The following CEP76 variants were observed in gnomAD, a reference collection of about 807,000 sequenced individuals.
The protein encoded by CEP76 is centrosomal protein 76, also known as centrosomal protein of 76 kDa.
In CEP76, 55 loss-of-function variants were observed where a neutral mutation model predicts 83.3. That is an observed-to-expected ratio of 0.66 (90% confidence interval 0.53 to 0.83). The LOEUF (loss-of-function observed/expected upper bound fraction) is 0.83, where lower values mean the gene tolerates loss of function less well. Ranked by LOEUF, CEP76 falls within the 40% of genes least tolerant of loss-of-function variation. CEP76 has a pLI of 0.00. For synonymous variants in CEP76, 270 were observed against 274.5 expected, an observed-to-expected ratio of 0.98 and a Z score of 0.16; for missense variants, 694 against 799.5, an observed-to-expected ratio of 0.87 and a Z score of 1.59.
rs9947940 is a variant in CEP76, at chr18:12,673,137, C to G, written c.*228G>C. The stretch of plus-strand genomic sequence containing the variant: ...AGCATTTATTAAAATAGAATATACA[C>G]TTAATTTATACTAAATTCCAGGGAG... On this transcript the variant is annotated 3_prime_UTR_variant, in exon 12 of 12. Transcript: ENST00000262127. The G allele has an allele frequency of 4.2e-3, 4,795 of 1,133,474 alleles. 171 individuals carry two copies. The African/African-American group carries it at 0.071, about 17-fold the overall frequency. The allele number at this position is 1,133,474 out of a possible 1,614,324, so 70.2% of individuals were successfully genotyped here.
downstream of CEP76, chr18:12,672,611 C>G (rs977848112): frequency 1.0e-6 from 1 of 970,614 alleles, no homozygotes; most frequent in African/African-American, 1.8e-5. Flanking sequence ...AATGAATCCT[C>G]TGACCACAGA....
chr18:12,671,637 ACTTTCT>A (rs760033877), downstream of CEP76, among the ~76,000 whole-genome samples: 1 of 121,908 alleles, frequency 8.2e-6, no homozygotes, highest in Non-Finnish European at 1.7e-5. Flanking sequence ...CAGGTTTCAC[ACTTTCT>A]TTTTTTTTTT....
At chr18:12,671,118 C>T (rs948086132), downstream of CEP76, 3 of 143,156 alleles carry the variant, frequency 2.1e-5, no homozygotes, top group Non-Finnish European at 4.7e-5. Context: ...TAGATTTATT[C>T]TTTTAGAGAA....
At position 12,680,844 on chromosome 18, in the gene CEP76, A is replaced by G. The variant is rs2039321828; in HGVS notation, c.1123-16T>C. On this transcript the variant is annotated splice_polypyrimidine_tract_variant and intron_variant, in intron 8 of 11. Coordinates refer to ENST00000262127, the MANE Select transcript of CEP76 (RefSeq NM_024899.4). Reference sequence around the variant, plus strand: ...CACAGTCACCCTGGAAGATAAATTAAAATGAAGTATTCATTCTTCCATATT... The same window carrying G: ...CACAGTCACCCTGGAAGATAAATTAGAATGAAGTATTCATTCTTCCATATT... 3 of 1,592,332 alleles carry G rather than the reference A, an allele frequency of 1.9e-6. No homozygotes were observed. Among genetic ancestry groups the G allele is most frequent in the African/African-American group, 2.7e-5 (2 of 74,004 alleles).
chr18:12,702,595 C>G lies in CEP76; in HGVS notation c.-47G>C, dbSNP rs759562685. On this transcript the variant is annotated 5_prime_UTR_variant, in exon 1 of 12. Coordinates refer to ENST00000262127, the MANE Select transcript of CEP76 (RefSeq NM_024899.4). ...GCCGCTTCTCCCCGCCTCAGATGCC[C>G]TAACTGCGCGGCCCCGGCCGGGCCA... is the stretch of plus-strand genomic sequence containing the variant. The G allele has an allele frequency of 6.3e-7, 1 of 1,578,098 alleles. No homozygotes were observed. Among genetic ancestry groups the G allele is most frequent in the South Asian group, 1.1e-5 (1 of 87,534 alleles).
chr18:12,700,274 CTGT>C (rs552353635), intron 2 of CEP76: 12 of 158,430 alleles, frequency 7.6e-5, no homozygotes, highest in Non-Finnish European at 9.7e-5. Context: ...AGAGTAGAAG[CTGT>C]TATTAGGTCA....
intron 6 of CEP76, among the ~76,000 whole-genome samples, chr18:12,691,784 C>T (rs1883602850): frequency 1.3e-5 from 2 of 150,874 alleles, no homozygotes; most frequent in Admixed American, 6.6e-5. Context: ...GGCAAGATCT[C>T]AGCTCACTGC....
chr18:12,693,145 A>G (rs1263635443), intron 6 of CEP76, among the ~76,000 whole-genome samples: 1 of 152,232 alleles, frequency 6.6e-6, no homozygotes, highest in African/African-American at 2.4e-5. Flanking sequence ...AATTTTAAAG[A>G]GAAAATTAGA....
At chr18:12,694,031 C>G (rs1458066075) in intron 6 of CEP76, among the ~76,000 whole-genome samples, 1 of 152,098 alleles carries the variant, frequency 6.6e-6, no homozygotes, top group Non-Finnish European at 1.5e-5. Context: ...CAGGGTCTCA[C>G]TATGTTGCCC....
Position 12,702,706 on chromosome 18 carries a change from G to C in CEP76, c.-158C>G, listed in dbSNP as rs35699948. The C allele has an allele frequency of 0.28, 212,943 of 768,640 alleles. 31,949 individuals carry two copies. The highest frequency in any genetic ancestry group is 0.31 in the Non-Finnish European group (157,405 of 503,400). The allele number at this position is 768,640 out of a possible 1,614,324, so 47.6% of individuals were successfully genotyped here. On this transcript the variant is annotated 5_prime_UTR_variant, in exon 1 of 12. Coordinates refer to ENST00000262127, the MANE Select transcript of CEP76 (RefSeq NM_024899.4). The stretch of plus-strand genomic sequence containing the variant: ...GGGGGACGCAACGCCGCGTCAGGCC[G>C]GGGGCTGACCTGGAAATGAGGCCCC...
intron 7 of CEP76, among the ~76,000 whole-genome samples, chr18:12,690,940 C>CA (rs985606584): frequency 1.2e-5 from 1 of 84,988 alleles, no homozygotes; most frequent in Non-Finnish European, 3.2e-5. Flanking sequence ...ATGCCCAGAG[C>CA]CCCCCCCCGT....
At chr18:12,688,228 C>CAAAA (rs11337170) in intron 7 of CEP76, among the ~76,000 whole-genome samples, 4 of 94,018 alleles carry the variant, frequency 4.3e-5, no homozygotes, top group African/African-American at 4.1e-5. Context: ...GACTCCATCT[C>CAAAA]AAAAAAAAAA....
chr18:12,697,101 T>C (rs2039983653), intron 5 of CEP76, 122 bp downstream of exon 5: 1 of 692,614 alleles, frequency 1.4e-6, no homozygotes, highest in East Asian at 2.8e-5. Context: ...ATTGTAACTC[T>C]AACGAAATTC....
Position 12,678,228 on chromosome 18 carries a change from G to T in CEP76, c.1504C>A (p.Pro502Thr). 6.2e-7 allele frequency: 1 copy of T among 1,614,128 alleles called. No individual in the cohort carries two copies. Among genetic ancestry groups the T allele is most frequent in the Non-Finnish European group, 8.5e-7 (1 of 1,180,028 alleles). Reference protein sequence around the residue: ...SEEAIKSVCAPGATTSLPPFP... With the variant: ...SEEAIKSVCATGATTSLPPFP... ...GGAGGAAGGGATGTTGTAGCTCCAGGAGCACACACAGATTTAATTGCTTCC... is the reference window on the plus strand; with the variant it reads ...GGAGGAAGGGATGTTGTAGCTCCAGTAGCACACACAGATTTAATTGCTTCC... Residue 502 changes from proline (P) to threonine (T), a missense_variant, in exon 10 of 12, where the codon CCT becomes ACT. Transcript: ENST00000262127.
chr18:12,700,983 A>T lies in CEP76; in HGVS notation c.194T>A (p.Val65Glu). The change falls in exon 2 of 12, where the codon GTG becomes GAG. Residue 65 changes from valine (V) to glutamate (E), a missense_variant. Coordinates refer to ENST00000262127, the MANE Select transcript of CEP76 (RefSeq NM_024899.4). ...ALRRRGIIDD[V>E]MKELNFVTDS... ...AGTAACAAAATTAAGTTCTTTCATC[A>T]CATCGTCAATGATTCCTCGACGTCT... The T allele has an allele frequency of 6.2e-7, 1 of 1,613,244 alleles. No homozygotes were observed. Among genetic ancestry groups the T allele is most frequent in the Non-Finnish European group, 8.5e-7 (1 of 1,179,706 alleles).
chr18:12,688,258 T>TG (rs2039619862), intron 7 of CEP76, among the ~76,000 whole-genome samples: 1 of 149,260 alleles, frequency 6.7e-6, no homozygotes, highest in South Asian at 2.1e-4. Context: ...CAAAACCTAG[T>TG]GGCCTTAAAG....
intron 10 of CEP76, among the ~76,000 whole-genome samples, chr18:12,677,100 A>G (rs2039162945): frequency 6.6e-6 from 1 of 152,154 alleles, no homozygotes. Context: ...TTTATGACTA[A>G]TACTTTTTAT....
chr18:12,702,636 G>T lies in CEP76; in HGVS notation c.-88C>A, dbSNP rs187355773. ...GGCCGGGCCAGGGAGCGTTAGGAGC[G>T]ACTGGAGCACAAAGCGCCGCAGCCG... On this transcript the variant is annotated 5_prime_UTR_variant, in exon 1 of 12. Coordinates refer to ENST00000262127, the MANE Select transcript of CEP76 (RefSeq NM_024899.4). 2 of 1,432,122 alleles carry T rather than the reference G, an allele frequency of 1.4e-6. No individual in the cohort carries two copies. Among genetic ancestry groups the T allele is most frequent in the East Asian group, 2.6e-5 (1 of 38,208 alleles). The allele number at this position is 1,432,122 out of a possible 1,614,324, so 88.7% of individuals were successfully genotyped here.
chr18:12,669,848 T>A (rs941167706), downstream of CEP76, among the ~76,000 whole-genome samples: 1 of 150,892 alleles, frequency 6.6e-6, no homozygotes, highest in Non-Finnish European at 1.5e-5. Context: ...TTAAAAAAAA[T>A]TAGCCAAGTG....
Sources: allele counts gnomAD v4.1 joint callset (sites outside exome capture counted in the v4.1 genomes callset), GRCh38; gene constraint gnomAD v4.1.1; transcripts MANE v1.5; gene names NCBI Gene and HGNC (gene_info 2026-07-23, HGNC 2026-07-21).